The following LRRC56 variants were observed in gnomAD, a reference collection of about 807,000 sequenced individuals.
LRRC56 encodes leucine-rich repeat-containing protein 56.
In LRRC56, 41 loss-of-function variants were observed where a neutral mutation model predicts 47.8. The ratio of observed to expected loss-of-function variants is 0.86; its 90% CI spans 0.67 to 1.11. LRRC56 has a LOEUF of 1.11. LRRC56 is among the 50% of genes most tolerant of loss of function. The probability of loss-of-function intolerance (pLI) is 0.00; values close to 1 mark genes in which losing one functional copy is unlikely to be tolerated. For synonymous variants in LRRC56, 387 were observed against 311.2 expected (o/e 1.24, Z -2.56); for missense variants, 759 against 704.2 (o/e 1.08, Z -0.88).
At chr11:540,129 T>G (rs1851721728) in intron 3 of LRRC56, among the ~76,000 whole-genome samples, 1 of 152,158 alleles carries the variant, frequency 6.6e-6, no homozygotes, top group Non-Finnish European at 1.5e-5. Flanking sequence ...CCTCCTTGCC[T>G]GGATGTTTGA....
At chr11:538,166 C>T (rs1373433828) in intron 1 of LRRC56, among the ~76,000 whole-genome samples, 1 of 152,152 alleles carries the variant, frequency 6.6e-6, no homozygotes, top group East Asian at 1.9e-4. Context: ...TTGGATCCCA[C>T]AGCCTCCAAC....
chr11:540,884 G>C (rs73401686), intron 4 of LRRC56, 23 bp downstream of exon 4: 11 of 1,520,432 alleles, frequency 7.2e-6, no homozygotes, highest in Non-Finnish European at 9.7e-6. Context: ...GCTGGGGGCT[G>C]TGGCCACAGA....
chr11:549,817 C>T (rs541823501), intron 6 of LRRC56, 85 bp from the exon 7 acceptor site: 2 of 1,205,176 alleles, frequency 1.7e-6, no homozygotes, highest in East Asian at 4.7e-5. Context: ...TCACACCTGC[C>T]CCTACCCCTG....
At chr11:550,301 G>T (rs767689274) in intron 8 of LRRC56, 29 bp downstream of exon 8, 9 of 1,494,616 alleles carry the variant, frequency 6.0e-6, no homozygotes, top group Non-Finnish European at 8.0e-6. Flanking sequence ...CGGCCAGCAT[G>T]TGCATGGCCA....
the LRRC56 span, among the ~76,000 whole-genome samples, chr11:524,374 G>A: frequency 1.3e-5 from 2 of 152,114 alleles, no homozygotes; most frequent in East Asian, 3.9e-4. Context: ...GCTCACACCT[G>A]TAATCCCAGC....
chr11:547,030 C>G (rs1383891036), intron 6 of LRRC56, among the ~76,000 whole-genome samples: 1 of 151,892 alleles, frequency 6.6e-6, no homozygotes, highest in African/African-American at 2.4e-5. Context: ...GCACTCCAGC[C>G]TAGGCAACAA....
chr11:534,263 G>A (rs774042283), upstream of LRRC56: 5 of 1,613,672 alleles, frequency 3.1e-6, no homozygotes, highest in South Asian at 2.2e-5. Context: ...TCAGCTGGAT[G>A]GTCAGCGCAC....
At chr11:521,278 C>A in the LRRC56 span, among the ~76,000 whole-genome samples, 1 of 152,180 alleles carries the variant, frequency 6.6e-6, no homozygotes, top group Admixed American at 6.6e-5. Flanking sequence ...TGGCATTTCA[C>A]CAAGTACTAG....
At chr11:521,275 TCACCAAGTACTAGTCAGG>T in the LRRC56 span, among the ~76,000 whole-genome samples, 1 of 152,174 alleles carries the variant, frequency 6.6e-6, no homozygotes, top group African/African-American at 2.4e-5. Flanking sequence ...AGCTGGCATT[TCACCAAGTACTAGTCAGG>T]CATACTTCCG....
the LRRC56 span, among the ~76,000 whole-genome samples, chr11:525,551 G>GAA: frequency 2.4e-5 from 3 of 122,838 alleles, no homozygotes; most frequent in African/African-American, 9.9e-5. Context: ...CTGTCTCAAA[G>GAA]AAAAAAAAAA....
the LRRC56 span, among the ~76,000 whole-genome samples, chr11:516,544 T>C: frequency 6.6e-6 from 1 of 152,174 alleles, no homozygotes; most frequent in Non-Finnish European, 1.5e-5. Context: ...ATAATACAAA[T>C]ATAAGTGCAC....
chr11:548,696 G>C (rs1205967355), intron 6 of LRRC56, among the ~76,000 whole-genome samples: 1 of 152,238 alleles, frequency 6.6e-6, no homozygotes, highest in Non-Finnish European at 1.5e-5. Context: ...CTGACCTCGT[G>C]ATCTGCCTGC....
upstream of LRRC56, chr11:534,482 C>G: frequency 1.6e-6 from 1 of 631,838 alleles, no homozygotes; most frequent in Non-Finnish European, 2.8e-6. Context: ...GTCCCTGGGC[C>G]CCAACGCCAG....
the LRRC56 span, among the ~76,000 whole-genome samples, chr11:521,951 C>T: frequency 6.6e-6 from 1 of 151,630 alleles, no homozygotes; most frequent in Admixed American, 6.6e-5. Flanking sequence ...CCCAAAACAG[C>T]TCTCATAACC....
At chr11:539,099 G>A (rs949470979) in intron 2 of LRRC56, among the ~76,000 whole-genome samples, 4 of 152,196 alleles carry the variant, frequency 2.6e-5, no homozygotes, top group African/African-American at 9.7e-5. Context: ...TTTGTTTTTT[G>A]AGATGGAGTC....
chr11:511,621 T>A, the LRRC56 span, among the ~76,000 whole-genome samples: 1 of 152,238 alleles, frequency 6.6e-6, no homozygotes, highest in African/African-American at 2.4e-5. Context: ...GGTCTTGGCT[T>A]TGAGCCTCCA....
chr11:548,908 C>A (rs1182068756), intron 6 of LRRC56, among the ~76,000 whole-genome samples: 3 of 152,212 alleles, frequency 2.0e-5, no homozygotes, highest in African/African-American at 4.8e-5. Context: ...TCACAGCCAG[C>A]AAACATCTGT....
At chr11:552,865 G>A (rs895770873) in intron 13 of LRRC56, among the ~76,000 whole-genome samples, 163 bp downstream of exon 13, 1 of 152,176 alleles carries the variant, frequency 6.6e-6, no homozygotes, top group South Asian at 2.1e-4. Flanking sequence ...GGGGTGGGGG[G>A]CTCACGACCA....
upstream of LRRC56, chr11:535,289 CCCGCCGCCG>C (rs113931482): frequency 3.2e-3 from 448 of 141,286 alleles, 4 homozygotes; most frequent in East Asian, 0.036. Context: ...GCCCCACCCA[CCCGCCGCCG>C]CCGCCGCCGC....
Sources: allele counts gnomAD v4.1 joint callset (sites outside exome capture counted in the v4.1 genomes callset), GRCh38; gene constraint gnomAD v4.1.1; transcripts MANE v1.5; gene names NCBI Gene and HGNC (gene_info 2026-07-23, HGNC 2026-07-21).